YEATS4: variants seen among roughly 807,000 people sequenced by gnomAD.
YEATS4 encodes the protein YEATS domain containing 4.
YEATS4 carries 17 observed loss-of-function variants against 30.1 expected under a neutral mutation model. That is an observed-to-expected ratio of 0.56 (90% CI 0.39 to 0.85). The LOEUF (loss-of-function observed/expected upper bound fraction) is 0.85, where lower values mean the gene tolerates loss of function less well. Ranked by LOEUF, YEATS4 falls within the 40% of genes least tolerant of loss-of-function variation. The pLI is 0.00. For synonymous variants in YEATS4, 85 were observed against 87.5 expected (o/e 0.97, Z 0.16); for missense variants, 142 against 268.3 (o/e 0.53, Z 3.29).
At position 69,371,069 on chromosome 12, in the gene YEATS4, A is replaced by T. The variant is rs80056268; in HGVS notation, c.514+94A>T. 1.5e-3 allele frequency: 1,958 copies of T among 1,272,700 alleles called. 29 individuals are homozygous for T. In the African/African-American group the frequency reaches 0.027, roughly 18 times the overall value. 78.8% of individuals were successfully genotyped at this position (1,272,700 alleles called of 1,614,324 possible). On this transcript the variant is annotated intron_variant, in intron 6 of 6. Transcript: ENST00000247843. ...GTGCCTTTTACACTTTAAAAAAATG[A>T]AATAGGTAAGTTTTTTAGGTGTTAA...
intron 4 of YEATS4, 111 bp downstream of exon 4, chr12:69,365,995 G>T: frequency 1.2e-6 from 1 of 800,812 alleles, no homozygotes; most frequent in Non-Finnish European, 1.8e-6. Context: ...TAAATTTATG[G>T]CACAGTGTAT....
At chr12:69,378,244 G>T (rs933168903) in intron 6 of YEATS4, among the ~76,000 whole-genome samples, 1 of 151,276 alleles carries the variant, frequency 6.6e-6, no homozygotes, top group African/African-American at 2.4e-5. Flanking sequence ...TTCAGTCTAC[G>T]TGTGTCTTTA....
chr12:69,375,566 G>C (rs1426082006), intron 6 of YEATS4, among the ~76,000 whole-genome samples: 1 of 152,308 alleles, frequency 6.6e-6, no homozygotes, highest in African/African-American at 2.4e-5. Flanking sequence ...GGGAGATGGA[G>C]GTTGTAGCGA....
chr12:69,404,494 G>C, the YEATS4 span, among the ~76,000 whole-genome samples: 1 of 152,092 alleles, frequency 6.6e-6, no homozygotes, highest in Non-Finnish European at 1.5e-5. Flanking sequence ...TGAAAGATGA[G>C]TTTGGCCCTC....
intron 6 of YEATS4, among the ~76,000 whole-genome samples, chr12:69,388,001 A>G (rs1868271067): frequency 6.6e-6 from 1 of 152,208 alleles, no homozygotes; most frequent in African/African-American, 2.4e-5. Flanking sequence ...GTCACCAGCA[A>G]TGAGCAAAAT....
At chr12:69,423,522 G>A in the YEATS4 span, among the ~76,000 whole-genome samples, 34 of 152,220 alleles carry the variant, frequency 2.2e-4, no homozygotes, top group Non-Finnish European at 4.3e-4. Flanking sequence ...CAAAGCACTA[G>A]AAGGAGCAAC....
intron 1 of YEATS4, among the ~76,000 whole-genome samples, chr12:69,361,152 C>A (rs1378757715): frequency 1.3e-5 from 2 of 151,416 alleles, no homozygotes; most frequent in Non-Finnish European, 2.9e-5. Context: ...GAGCTGAGAT[C>A]GTGCCACTGC....
the YEATS4 span, among the ~76,000 whole-genome samples, chr12:69,403,458 TC>T: frequency 6.6e-6 from 1 of 151,130 alleles, no homozygotes; most frequent in Non-Finnish European, 1.5e-5. Flanking sequence ...ACGCCTATAA[TC>T]CCAGCTACTC....
chr12:69,422,347 A>C, the YEATS4 span, among the ~76,000 whole-genome samples: 1 of 152,134 alleles, frequency 6.6e-6, no homozygotes, highest in Non-Finnish European at 1.5e-5. Context: ...AAGAAGAAAC[A>C]GTGGCCAGGT....
At chr12:69,392,454 C>T (rs1337141272), downstream of YEATS4, among the ~76,000 whole-genome samples, 2 of 152,192 alleles carry the variant, frequency 1.3e-5, no homozygotes, top group Non-Finnish European at 2.9e-5. Flanking sequence ...TCATGCATGA[C>T]TGCCAAAAAG....
chr12:69,413,864 GAAAAA>G, the YEATS4 span, among the ~76,000 whole-genome samples: 13 of 145,822 alleles, frequency 8.9e-5, no homozygotes, highest in African/African-American at 3.2e-4. Context: ...AAAAAAAAAA[GAAAAA>G]GAAAAAGAAA....
In YEATS4 at chr12:69,359,842, A is replaced by G; in HGVS notation, c.-131A>G. ...GTTACTCACCGCCGTGAGCCCAAGT[A>G]ACTCGCCCTCCTTCGGCTAGAAACC... On this transcript the variant is annotated 5_prime_UTR_variant, in exon 1 of 7. Transcript: ENST00000247843. 5 of 1,099,756 alleles carry G rather than the reference A, an allele frequency of 4.5e-6. No homozygotes were observed. In the South Asian group the frequency reaches 7.8e-5, roughly 17 times the overall value. 68.1% of individuals were successfully genotyped at this position (1,099,756 alleles called of 1,614,324 possible).
intron 6 of YEATS4, among the ~76,000 whole-genome samples, chr12:69,371,512 A>G (rs1181526006): frequency 2.6e-5 from 4 of 152,192 alleles, no homozygotes; most frequent in Admixed American, 6.5e-5. Context: ...CTGTGCATCT[A>G]TTCTCAGTCA....
chr12:69,377,289 A>G (rs902231501), intron 6 of YEATS4, among the ~76,000 whole-genome samples: 4 of 151,972 alleles, frequency 2.6e-5, no homozygotes, highest in African/African-American at 4.8e-5. Context: ...TTTTTCCTCT[A>G]TTTGGCTACA....
At chr12:69,411,495 C>G in the YEATS4 span, among the ~76,000 whole-genome samples, 1 of 152,170 alleles carries the variant, frequency 6.6e-6, no homozygotes, top group Non-Finnish European at 1.5e-5. Flanking sequence ...CATTGTAGTG[C>G]TAACATTTTA....
the YEATS4 span, among the ~76,000 whole-genome samples, chr12:69,413,588 A>C: frequency 1.4e-5 from 2 of 142,976 alleles, no homozygotes; most frequent in Admixed American, 1.5e-4. Context: ...ACAGTGACTC[A>C]CACCTGTAAT....
intron 1 of YEATS4, 72 bp downstream of exon 1, chr12:69,360,095 G>T: frequency 2.0e-6 from 3 of 1,531,540 alleles, no homozygotes; most frequent in African/African-American, 2.8e-5. Flanking sequence ...GCGCGGGGAG[G>T]GCCCACTGGG....
chr12:69,362,667 A>G (rs2120892613), intron 1 of YEATS4, 121 bp from the exon 2 acceptor site: 2 of 697,032 alleles, frequency 2.9e-6, no homozygotes, highest in East Asian at 3.3e-5. Flanking sequence ...AGAAATCCAT[A>G]TTATAAGCAA....
At chr12:69,379,560 C>G (rs1259435247) in intron 6 of YEATS4, among the ~76,000 whole-genome samples, 2 of 145,268 alleles carry the variant, frequency 1.4e-5, no homozygotes, top group African/African-American at 2.5e-5. Flanking sequence ...CCCACAGGCA[C>G]ATGCCACCAC....
Sources: allele counts gnomAD v4.1 joint callset (sites outside exome capture counted in the v4.1 genomes callset), GRCh38; gene constraint gnomAD v4.1.1; transcripts MANE v1.5; gene names NCBI Gene and HGNC (gene_info 2026-07-23, HGNC 2026-07-21).